NMNAT3: variants seen among roughly 807,000 people sequenced by gnomAD.
NMNAT3 encodes the protein nicotinamide/nicotinic acid mononucleotide adenylyltransferase 3.
In NMNAT3, 21 loss-of-function variants were observed where a neutral mutation model predicts 24.8. That is an observed-to-expected ratio of 0.85 (90% CI 0.60 to 1.22). NMNAT3 has a LOEUF of 1.22. Ranked by LOEUF, NMNAT3 falls within the 50% of genes most tolerant of loss-of-function variation. The probability of loss-of-function intolerance (pLI) is 0.00; values close to 1 mark genes in which losing one functional copy is unlikely to be tolerated. For synonymous variants in NMNAT3, 136 were observed against 155.2 expected, an observed-to-expected ratio of 0.88 and a Z score of 0.92; for missense variants, 387 against 436.6, an observed-to-expected ratio of 0.89 and a Z score of 1.01.
At chr3:139,594,971 G>T (rs1420073752) in intron 3 of NMNAT3, among the ~76,000 whole-genome samples, 1 of 152,082 alleles carries the variant, frequency 6.6e-6, no homozygotes, top group Admixed American at 6.5e-5. Flanking sequence ...GGGCAATTAG[G>T]CAGGAGAAGG....
intron 2 of NMNAT3, chr3:139,636,186 T>G (rs904620846): frequency 1.3e-5 from 2 of 152,234 alleles, no homozygotes; most frequent in Admixed American, 1.3e-4. Context: ...CTAACTGCTA[T>G]GCCAATATTT....
intron 5 of NMNAT3, among the ~76,000 whole-genome samples, chr3:139,576,714 T>C (rs1015467868): frequency 1.3e-5 from 2 of 152,092 alleles, no homozygotes; most frequent in Non-Finnish European, 2.9e-5. Flanking sequence ...GTGATTCCCG[T>C]GTGCAAACTA....
chr3:139,561,338 G>C lies in NMNAT3; in HGVS notation c.713C>G (p.Thr238Ser). The C allele has an allele frequency of 3.7e-6, 6 of 1,613,988 alleles. No homozygotes were observed. Among genetic ancestry groups the C allele is most frequent in the Admixed American group, 1.7e-5 (1 of 60,018 alleles). ...GTGCGCATCCTTCCAGAGGTTGGGG[G>C]TCTGGAAGGTCTTCAAGACGTCTGC... Residue 238 changes from threonine to serine, a missense_variant, in exon 7 of 7, where the codon ACC becomes AGC. Physicochemically the swap from Thr to Ser is moderately conservative, Grantham distance 58. This residue lies in a region of NMNAT3 where 323 missense variants were observed against 345.2 expected (regional missense o/e 0.94). Coordinates refer to ENST00000643695, the MANE Select transcript of NMNAT3 (RefSeq NM_001320510.2).
At chr3:139,613,196 C>A (rs2055314201) in intron 3 of NMNAT3, among the ~76,000 whole-genome samples, 1 of 152,162 alleles carries the variant, frequency 6.6e-6, no homozygotes, top group Non-Finnish European at 1.5e-5. Flanking sequence ...AGTGAACGGG[C>A]AACCTACAGA....
chr3:139,654,960 C>G (rs2057188493), intron 1 of NMNAT3, among the ~76,000 whole-genome samples: 1 of 152,156 alleles, frequency 6.6e-6, no homozygotes, highest in African/African-American at 2.4e-5. Context: ...GTGGTAAGAG[C>G]TGGCACAAAT....
At chr3:139,632,059 A>G (rs1248586803) in intron 2 of NMNAT3, among the ~76,000 whole-genome samples, 1 of 152,018 alleles carries the variant, frequency 6.6e-6, no homozygotes, top group African/African-American at 2.4e-5. Context: ...TCAAGTGATT[A>G]GAGAGTGGTT....
At chr3:139,613,087 G>A (rs2055307837) in intron 3 of NMNAT3, among the ~76,000 whole-genome samples, 4 of 152,160 alleles carry the variant, frequency 2.6e-5, no homozygotes, top group East Asian at 1.9e-4. Flanking sequence ...AGGACTTCAT[G>A]TCTAAAACAC....
chr3:139,560,944 A>G lies in NMNAT3; in HGVS notation c.*66T>C, dbSNP rs894584047. 4.0e-6 allele frequency: 6 copies of G among 1,499,198 alleles called. No homozygotes were observed. Among genetic ancestry groups the G allele is most frequent in the Non-Finnish European group, 5.4e-6 (6 of 1,113,332 alleles). The allele number at this position is 1,499,198 out of a possible 1,614,324, so 92.9% of individuals were successfully genotyped here. A position where few individuals can be genotyped will look rare whatever the true frequency, so the allele number is the denominator to read the frequency against. On this transcript the variant is annotated 3_prime_UTR_variant, in exon 7 of 7. Transcript: ENST00000643695. ...GAAGCAAAAACCAAAGTAAAACAGAAACCTTAACAGCCCTCTCCCCAGCAG... is the reference window on the plus strand; with the variant it reads ...GAAGCAAAAACCAAAGTAAAACAGAGACCTTAACAGCCCTCTCCCCAGCAG...
chr3:139,571,929 C>T (rs1389682066), intron 6 of NMNAT3, among the ~76,000 whole-genome samples: 4 of 152,206 alleles, frequency 2.6e-5, no homozygotes, highest in African/African-American at 7.2e-5. Flanking sequence ...CTGGAGGCTC[C>T]AGTCTGCCCT....
intron 1 of NMNAT3, among the ~76,000 whole-genome samples, chr3:139,642,861 A>G (rs1209822010): frequency 1.3e-5 from 2 of 152,054 alleles, no homozygotes; most frequent in Non-Finnish European, 1.5e-5. Flanking sequence ...CTGGTGACTT[A>G]AAAAACCTGA....
rs1434544726 is a variant in NMNAT3, at chr3:139,575,937, C to T, written c.576-2257G>A. On this transcript the variant is annotated intron_variant, in intron 5 of 6. Coordinates refer to ENST00000643695, the MANE Select transcript of NMNAT3 (RefSeq NM_001320510.2). The stretch of plus-strand genomic sequence containing the variant: ...CAGAGCTCCACAGATGGGAGCTCCA[C>T]GTCCTATTTGTGTGTGACCGTGATT... The T allele has an allele frequency of 4.7e-5, 60 of 1,288,506 alleles. No homozygotes were observed. The South Asian group carries it at 4.7e-4, about 10-fold the overall frequency. The allele number at this position is 1,288,506 out of a possible 1,614,324, so 79.8% of individuals were successfully genotyped here. A position where few individuals can be genotyped will look rare whatever the true frequency, so the allele number is the denominator to read the frequency against.
At chr3:139,636,203 T>G (rs992671090) in intron 2 of NMNAT3, 2 of 152,216 alleles carry the variant, frequency 1.3e-5, no homozygotes, top group Non-Finnish European at 2.9e-5. Context: ...ATTTAATGAA[T>G]GTTTATTGGG....
chr3:139,564,861 T>G (rs1296110995), intron 6 of NMNAT3, among the ~76,000 whole-genome samples: 3 of 152,232 alleles, frequency 2.0e-5, no homozygotes, highest in African/African-American at 7.2e-5. Flanking sequence ...CAAACTGTGT[T>G]CATTATGGAA....
At chr3:139,569,378 T>C (rs886406973) in intron 6 of NMNAT3, 12 of 152,242 alleles carry the variant, frequency 7.9e-5, no homozygotes, top group Non-Finnish European at 1.6e-4. Context: ...AATTTGATCC[T>C]GTCATTATGA....
intron 3 of NMNAT3, among the ~76,000 whole-genome samples, chr3:139,594,121 A>G (rs1156453758): frequency 1.3e-5 from 2 of 152,216 alleles, no homozygotes; most frequent in East Asian, 1.9e-4. Context: ...AAAAAATGAT[A>G]AAGGGGATAT....
Position 139,576,225 on chromosome 3 carries a change from T to C in NMNAT3, c.576-2545A>G, listed in dbSNP as rs151239889. 1.4e-3 allele frequency: 1,354 copies of C among 985,244 alleles called. 1 individual carries two copies. The highest frequency in any genetic ancestry group is 1.6e-3 in the Non-Finnish European group (1,300 of 829,748). 61.0% of individuals were successfully genotyped at this position (985,244 alleles called of 1,614,324 possible). On this transcript the variant is annotated intron_variant, in intron 5 of 6. Coordinates refer to ENST00000643695, the MANE Select transcript of NMNAT3 (RefSeq NM_001320510.2). ...AACCACCTGACTTTACAATTATAAC[T>C]GGATTTTCAGTCTTAAAAAACTTTG...
chr3:139,662,160 A>G (rs2057436296), intron 1 of NMNAT3, among the ~76,000 whole-genome samples: 1 of 152,096 alleles, frequency 6.6e-6, no homozygotes, highest in African/African-American at 2.4e-5. Context: ...GGTTCACAAT[A>G]TCCAGACACA....
At chr3:139,662,013 T>C (rs1303090905) in intron 1 of NMNAT3, among the ~76,000 whole-genome samples, 1 of 152,092 alleles carries the variant, frequency 6.6e-6, no homozygotes, top group Non-Finnish European at 1.5e-5. Context: ...TAGGTGTGAA[T>C]GTCCCCGCAA....
chr3:139,576,203 C>A lies in NMNAT3; in HGVS notation c.576-2523G>T, dbSNP rs1939284107. ...TGGATTTCTACCATGCTTCTAAAAC[C>A]ACCTGACTTTACAATTATAACTGGA... On this transcript the variant is annotated intron_variant, in intron 5 of 6. Transcript: ENST00000643695. 8.1e-6 allele frequency: 8 copies of A among 985,192 alleles called. 1 individual carries two copies. The South Asian group carries it at 3.3e-4, about 40-fold the overall frequency. 61.0% of individuals were successfully genotyped at this position (985,192 alleles called of 1,614,324 possible).
Sources: gnomAD v4.1 joint callset for allele counts (sites outside exome capture counted in the v4.1 genomes callset) on GRCh38, gnomAD v4.1.1 for gene constraint, gnomAD v4.1.1 regional missense constraint, MANE v1.5 for transcripts, NCBI Gene and HGNC (gene_info 2026-07-23, HGNC 2026-07-21) for gene names.